UBAP2: variants seen among roughly 807,000 people sequenced by gnomAD.
UBAP2 encodes the protein ubiquitin associated protein 2, also known as ubiquitin-associated protein 2.
In UBAP2, 75 loss-of-function variants were observed where a neutral mutation model predicts 139.6. The observed-to-expected ratio is 0.54, with a 90% CI of 0.45 to 0.65. The LOEUF (loss-of-function observed/expected upper bound fraction) is 0.65. UBAP2 is among the 30% of genes least tolerant of loss of function. The pLI is 0.00. For synonymous variants in UBAP2, 526 were observed against 526.2 expected, an observed-to-expected ratio of 1.00 and a Z score of 0.01; for missense variants, 1,368 against 1,369.6, an observed-to-expected ratio of 1.00 and a Z score of 0.02.
chr9:33,943,652 T>C (rs1825421364), intron 14 of UBAP2, 63 bp from the exon 15 acceptor site: 4 of 1,526,052 alleles, frequency 2.6e-6, no homozygotes, highest in Non-Finnish European at 3.6e-6. Context: ...CAAAGGCCTA[T>C]AACAGAGCCA....
rs765139743 is a variant in UBAP2 at position 33,927,747 on chromosome 9, C to A, written c.2371+50G>T. ...CTGCCTTCCTGGGACGCCAAGCAGG[C>A]ACCTTTGAGGGGCTCAGGGGTGGGC... is the stretch of plus-strand genomic sequence containing the variant. On this transcript the variant is annotated intron_variant, in intron 20 of 28. Transcript: ENST00000379238. The A allele has an allele frequency of 2.1e-5, 33 of 1,535,886 alleles. 3 individuals carry two copies. In the South Asian group the frequency reaches 4.2e-4, roughly 19 times the overall value.
In UBAP2 at chr9:33,941,791, G is replaced by T; in HGVS notation, c.1787C>A (p.Thr596Asn). 6.2e-7 allele frequency: 1 copy of T among 1,614,096 alleles called. No homozygotes were observed. The highest frequency in any genetic ancestry group is 8.5e-7 in the Non-Finnish European group (1 of 1,179,970). Residue 596 changes from threonine (T) to asparagine (N), a missense_variant, in exon 16 of 29, where the codon ACC becomes AAC. Thr to Asn is a moderately conservative substitution (Grantham distance 65). Coordinates refer to ENST00000379238, the MANE Select transcript of UBAP2 (RefSeq NM_001370062.2). ...TGATGAGCTTGTCAGACTGCAGGAGGTAATGACGGAAGTTGTATATGTGGA... is the reference window on the plus strand; with the variant it reads ...TGATGAGCTTGTCAGACTGCAGGAGTTAATGACGGAAGTTGTATATGTGGA... ...QNSTYTTSVITSCSLTSSSLN... is the reference protein window; with the variant it reads ...QNSTYTTSVINSCSLTSSSLN...
chr9:34,044,565 A>G (rs749448647), intron 1 of UBAP2, among the ~76,000 whole-genome samples: 72 of 151,860 alleles, frequency 4.7e-4, no homozygotes, highest in African/African-American at 1.7e-3. Flanking sequence ...GTCTCAAGAA[A>G]ATAAAAATAA....
chr9:33,982,880 GTT>G (rs544925444), intron 6 of UBAP2, among the ~76,000 whole-genome samples: 1 of 138,462 alleles, frequency 7.2e-6, no homozygotes, highest in Non-Finnish European at 1.6e-5. Flanking sequence ...GTTTTTTTTT[GTT>G]TTTTTTTTTT....
At chr9:34,021,881 G>A (rs749812506) in intron 1 of UBAP2, among the ~76,000 whole-genome samples, 6 of 152,114 alleles carry the variant, frequency 3.9e-5, no homozygotes, top group African/African-American at 7.2e-5. Flanking sequence ...TGATCCAACC[G>A]CCTCAACCTC....
chr9:34,033,173 G>C (rs546001479), intron 1 of UBAP2, among the ~76,000 whole-genome samples: 1 of 152,116 alleles, frequency 6.6e-6, no homozygotes, highest in Non-Finnish European at 1.5e-5. Context: ...ATTCCTGTTT[G>C]TTGCAGCACT....
chr9:33,944,440 A>G lies in UBAP2; in HGVS notation c.1470T>C (p.Asn490=), dbSNP rs752631866. The part of the protein sequence containing the change: ...LLQLPSTTIE[N]ISVSVHQPQP... ...GTGGCTGGTGGACAGACACAGAGAT[A>G]TTTTCAATGGTCGTGCTGGGAAGCT... The change falls in exon 14 of 29, where the codon AAT becomes AAC. Residue 490 remains asparagine, a synonymous_variant. Coordinates refer to ENST00000379238, the MANE Select transcript of UBAP2 (RefSeq NM_001370062.2). 8 of 1,614,072 alleles carry G rather than the reference A, an allele frequency of 5.0e-6. No homozygotes were observed. The South Asian group carries it at 8.8e-5, about 18-fold the overall frequency.
chr9:33,953,245 A>G (rs766990215), intron 12 of UBAP2, 40 bp downstream of exon 12: 4 of 1,558,722 alleles, frequency 2.6e-6, no homozygotes, highest in Admixed American at 1.8e-5. Flanking sequence ...GCTAATGGGT[A>G]TATTTCTTAA....
intron 8 of UBAP2, among the ~76,000 whole-genome samples, chr9:33,966,604 C>T (rs307670): frequency 0.19 from 29,275 of 151,886 alleles, 2,951 homozygotes; most frequent in South Asian, 0.36. Flanking sequence ...GAATATGTTC[C>T]CTTTTATGAG....
chr9:34,003,509 G>A (rs779317770), intron 2 of UBAP2, among the ~76,000 whole-genome samples: 4 of 150,786 alleles, frequency 2.7e-5, no homozygotes, highest in East Asian at 2.0e-4. Flanking sequence ...AGGTTCAAGC[G>A]ATTCTCCAGC....
chr9:33,982,951 C>A (rs1363772302), intron 6 of UBAP2, among the ~76,000 whole-genome samples: 1 of 150,980 alleles, frequency 6.6e-6, no homozygotes, highest in Admixed American at 6.6e-5. Flanking sequence ...ATGATCTCGG[C>A]TCACAGCAAC....
rs139845107 is a variant in UBAP2, at chr9:34,020,394, G to A, written c.-41-3205C>T. On this transcript the variant is annotated intron_variant, in intron 1 of 28. Coordinates refer to ENST00000379238, the MANE Select transcript of UBAP2 (RefSeq NM_001370062.2). ...GGAGTGCAACGAATAGTGCGATCTC[G>A]GCTCACTGCAACCTCCACCTTCTGG... 4.7e-3 allele frequency among the ~76,000 whole-genome samples: 716 copies of A among 151,220 alleles called. 10 individuals carry two copies. The highest frequency in any genetic ancestry group is 0.042 in the East Asian group (215 of 5,060).
At chr9:34,018,457 A>G (rs1824594869) in intron 1 of UBAP2, among the ~76,000 whole-genome samples, 2 of 152,172 alleles carry the variant, frequency 1.3e-5, no homozygotes, top group Non-Finnish European at 1.5e-5. Context: ...TCCTTAAAAA[A>G]AAAAAATCAA....
intron 9 of UBAP2, among the ~76,000 whole-genome samples, chr9:33,962,864 G>A (rs307668): frequency 0.4 from 59,866 of 149,402 alleles, 12,310 homozygotes; most frequent in South Asian, 0.48. Context: ...TGTAAATCCC[G>A]GCTACTTGGG....
At chr9:33,982,615 C>A (rs1820861272) in intron 6 of UBAP2, among the ~76,000 whole-genome samples, 1 of 152,118 alleles carries the variant, frequency 6.6e-6, no homozygotes, top group African/African-American at 2.4e-5. Flanking sequence ...TGAACAGCCA[C>A]CATACAGTCC....
chr9:33,946,441 G>T (rs1825659964), intron 13 of UBAP2, among the ~76,000 whole-genome samples: 1 of 152,156 alleles, frequency 6.6e-6, no homozygotes, highest in African/African-American at 2.4e-5. Context: ...TTGGCATAGA[G>T]ATCCAACTTC....
chr9:34,041,463 T>G (rs1471747034), intron 1 of UBAP2, among the ~76,000 whole-genome samples: 2 of 58,578 alleles, frequency 3.4e-5, no homozygotes, highest in Non-Finnish European at 6.5e-5. Context: ...AAACTCCATC[T>G]CAAAAAAAAA....
At chr9:33,989,516 C>T (rs569809154) in intron 4 of UBAP2, among the ~76,000 whole-genome samples, 1 of 152,240 alleles carries the variant, frequency 6.6e-6, no homozygotes, top group East Asian at 1.9e-4. Context: ...ACGTATCTTT[C>T]AAACCTAACT....
chr9:33,992,381 C>T (rs1821784649), intron 4 of UBAP2, among the ~76,000 whole-genome samples: 1 of 116,912 alleles, frequency 8.6e-6, no homozygotes, highest in Non-Finnish European at 1.7e-5. Context: ...AAGAGCAAAA[C>T]TCCATCTCAA....
Sources: allele counts gnomAD v4.1 joint callset (sites outside exome capture counted in the v4.1 genomes callset), GRCh38; gene constraint gnomAD v4.1.1; transcripts MANE v1.5; gene names NCBI Gene and HGNC (gene_info 2026-07-23, HGNC 2026-07-21).